TTC5: variants seen among roughly 807,000 people sequenced by gnomAD.
The protein encoded by TTC5 is tetratricopeptide repeat protein 5.
A neutral mutation model predicts 57.4 loss-of-function variants in TTC5; 46 were observed. The observed-to-expected ratio is 0.80, with a 90% CI of 0.63 to 1.03. The LOEUF is 1.03. Among genes scored for constraint, TTC5 ranks in the 50% least tolerant of loss-of-function variants. The pLI is 0.00. For missense variants in TTC5, 504 were observed against 528.1 expected, an observed-to-expected ratio of 0.95 and a Z score of 0.45; for synonymous variants, 190 against 203.5, an observed-to-expected ratio of 0.93 and a Z score of 0.57.
chr14:20,289,653 C>T lies in TTC5; in HGVS notation c.1297G>A (p.Val433Met). ...CATTCACACTGTGGTCGCGATGCCA[C>T]TGTGGCAACAGCCTGGCTGCTGGAT... ...QGSSSQAVAT[V>M]ASRPQCE The change falls in exon 10 of 10, where the codon GTG (valine) becomes ATG (methionine). Residue 433 changes from valine to methionine, a missense_variant. Physicochemically the swap from Val to Met is conservative, Grantham distance 21. Coordinates refer to ENST00000258821, the MANE Select transcript of TTC5 (RefSeq NM_138376.3). 6.2e-7 allele frequency: 1 copy of T among 1,613,658 alleles called. No homozygotes were observed. The highest frequency in any genetic ancestry group is 1.1e-5 in the South Asian group (1 of 91,022).
At chr14:20,295,891 A>T in intron 6 of TTC5, 37 bp from the exon 7 acceptor site, 1 of 1,523,258 alleles carries the variant, frequency 6.6e-7, no homozygotes, top group Non-Finnish European at 8.8e-7. Context: ...AAGTATATCC[A>T]GACAAACTAT....
rs1033762104 is a variant in TTC5, at chr14:20,300,889, T to C, written c.185-71A>G. 5 of 1,190,244 alleles carry C rather than the reference T, an allele frequency of 4.2e-6. No individual in the cohort carries two copies. The African/African-American group carries it at 7.7e-5, about 18-fold the overall frequency. 73.7% of individuals were successfully genotyped at this position (1,190,244 alleles called of 1,614,324 possible). On this transcript the variant is annotated intron_variant, in intron 2 of 9. Transcript: ENST00000258821. The stretch of plus-strand genomic sequence containing the variant: ...GACCAGGGCACTTTCTCTCAAAAAA[T>C]AACTACACGTCAGTTTTAGGAATAA...
At chr14:20,305,491 G>T in intron 1 of TTC5, 1 of 204,806 alleles carries the variant, frequency 4.9e-6, no homozygotes, top group South Asian at 8.9e-5. Context: ...CGTGATTGTT[G>T]CCAAATTCAA....
chr14:20,300,078 G>A (rs945015365), intron 3 of TTC5, among the ~76,000 whole-genome samples: 1 of 148,460 alleles, frequency 6.7e-6, no homozygotes, highest in Non-Finnish European at 1.5e-5. Flanking sequence ...GACCTCAAAT[G>A]ATCTCCCCAC....
chr14:20,297,149 T>C (rs777547336), intron 5 of TTC5, among the ~76,000 whole-genome samples: 6 of 152,222 alleles, frequency 3.9e-5, no homozygotes, highest in Admixed American at 6.5e-5. Context: ...CCCATAAACC[T>C]AGCTCCAGAC....
chr14:20,300,393 T>TC, intron 3 of TTC5: 1 of 519,686 alleles, frequency 1.9e-6, no homozygotes, highest in Non-Finnish European at 3.4e-6. Context: ...ACTTCCTTTC[T>TC]CCCCCTGAAC....
At chr14:20,293,570 TAAG>T (rs2138807566) in intron 8 of TTC5, 1 of 152,344 alleles carries the variant, frequency 6.6e-6, no homozygotes, top group Non-Finnish European at 1.5e-5. Flanking sequence ...GGATCTTAAA[TAAG>T]AAGTAGCAAT....
intron 6 of TTC5, among the ~76,000 whole-genome samples, 162 bp from the exon 7 acceptor site, chr14:20,296,016 T>C (rs1396800767): frequency 6.6e-6 from 1 of 152,244 alleles, no homozygotes; most frequent in African/African-American, 2.4e-5. Flanking sequence ...CTTACATCCT[T>C]CTTCCTAGCC....
chr14:20,300,465 C>T, intron 3 of TTC5, 142 bp downstream of exon 3: 1 of 700,044 alleles, frequency 1.4e-6, no homozygotes, highest in Non-Finnish European at 2.3e-6. Flanking sequence ...TTCAGGTCTG[C>T]TCTCTGACCT....
intron 8 of TTC5, chr14:20,293,616 G>C: frequency 6.6e-6 from 1 of 152,204 alleles, no homozygotes; most frequent in East Asian, 1.9e-4. Context: ...CATTTCTCTG[G>C]CAGCACTGTG....
chr14:20,298,106 A>G (rs1882103944), intron 5 of TTC5, among the ~76,000 whole-genome samples: 1 of 152,244 alleles, frequency 6.6e-6, no homozygotes, highest in South Asian at 2.1e-4. Flanking sequence ...TATCAAGAGA[A>G]GCAAAAGAAG....
Position 20,287,183 on chromosome 14 carries a change from G to A in TTC5, c.*2444C>T, listed in dbSNP as rs7141798. On this transcript the variant is annotated 3_prime_UTR_variant, in exon 10 of 10. Transcript: ENST00000258821. ...TTCTCAAATTTTACTGTGCATCAGA[G>A]TCACCTGGAGGGTTTGCGAAACACA... 135,992 of 152,244 alleles carry A rather than the reference G, an allele frequency of 0.89. 60,946 individuals are homozygous for A. The highest frequency in any genetic ancestry group is 0.92 in the African/African-American group (38,416 of 41,554). 9.4% of individuals were successfully genotyped at this position (152,244 alleles called of 1,614,324 possible).
intron 1 of TTC5, among the ~76,000 whole-genome samples, chr14:20,302,650 C>T (rs957670455): frequency 6.6e-6 from 1 of 152,150 alleles, no homozygotes; most frequent in Admixed American, 6.5e-5. Flanking sequence ...TTAAATGCCT[C>T]TGAGTCTTCC....
chr14:20,293,439 A>G (rs536482011), intron 8 of TTC5: 1 of 152,360 alleles, frequency 6.6e-6, no homozygotes, highest in Admixed American at 6.5e-5. Flanking sequence ...AACAAAAGGC[A>G]CTGGTGGGAA....
chr14:20,295,258 G>T, intron 8 of TTC5, 54 bp downstream of exon 8: 1 of 1,532,944 alleles, frequency 6.5e-7, no homozygotes, highest in Non-Finnish European at 9.0e-7. Context: ...AGAACAGGAA[G>T]TGAGAGCAAT....
intron 6 of TTC5, 49 bp downstream of exon 6, chr14:20,296,341 G>C (rs765098711): frequency 7.2e-7 from 1 of 1,386,870 alleles, no homozygotes; most frequent in Admixed American, 1.7e-5. Context: ...CTAAGACATA[G>C]GTGTCTTATT....
intron 2 of TTC5, among the ~76,000 whole-genome samples, chr14:20,301,160 G>A (rs1427820429): frequency 1.3e-5 from 2 of 152,198 alleles, no homozygotes; most frequent in Non-Finnish European, 2.9e-5. Flanking sequence ...TATGGCATTA[G>A]CCCAATGAAT....
chr14:20,299,995 T>C (rs1396105200), intron 3 of TTC5, among the ~76,000 whole-genome samples: 3 of 149,006 alleles, frequency 2.0e-5, no homozygotes, highest in African/African-American at 5.0e-5. Flanking sequence ...CATACAACCA[T>C]GCCCATCTAA....
chr14:20,291,697 A>C (rs181736173), intron 9 of TTC5, among the ~76,000 whole-genome samples: 1 of 152,148 alleles, frequency 6.6e-6, no homozygotes, highest in African/African-American at 2.4e-5. Flanking sequence ...TGTGAAAAGA[A>C]AAGACTTCAG....
Sources: gnomAD v4.1 joint callset for allele counts (sites outside exome capture counted in the v4.1 genomes callset) on GRCh38, gnomAD v4.1.1 for gene constraint, MANE v1.5 for transcripts, NCBI Gene and HGNC (gene_info 2026-07-23, HGNC 2026-07-21) for gene names.